Variants in JCAD observed in about 807,000 individuals in gnomAD.
The protein encoded by JCAD is junctional cadherin 5-associated protein.
A neutral mutation model predicts 98.0 loss-of-function variants in JCAD; 40 were observed. The ratio of observed to expected loss-of-function variants is 0.41; its 90% CI spans 0.32 to 0.53. The LOEUF is 0.53. JCAD is among the 20% of genes least tolerant of loss of function. The pLI, the probability that JCAD is intolerant of heterozygous loss-of-function variation, is 0.31. For missense variants in JCAD, 1,705 were observed against 1,738.1 expected (o/e 0.98, Z 0.34); for synonymous variants, 691 against 682.3 (o/e 1.01, Z -0.20).
rs1837660833 is a variant in JCAD, at chr10:30,059,557, C to G, written c.-135G>C. 1 of 151,192 alleles carries G rather than the reference C, an allele frequency of 6.6e-6. No individual in the cohort carries two copies. The allele number at this position is 151,192 out of a possible 1,614,324, so 9.4% of individuals were successfully genotyped here. A position where few individuals can be genotyped will look rare whatever the true frequency, so the allele number is the denominator to read the frequency against. ...GGCCGGGGACCAGCGCGACCCGCCC[C>G]GCCTGCAGCCGCCGAGGCCGAGCAT... On this transcript the variant is annotated 5_prime_UTR_variant, in exon 1 of 4. Coordinates refer to ENST00000375377, the MANE Select transcript of JCAD (RefSeq NM_020848.4). This position sits in a 1 kb window ranked among gnomAD's most constrained non-coding sequence, Gnocchi z 5.0.
intron 1 of JCAD, among the ~76,000 whole-genome samples, chr10:30,092,099 T>TAAAA (rs1491386901): frequency 1.1e-4 from 1 of 9,156 alleles, no homozygotes; most frequent in Non-Finnish European, 3.5e-4. Context: ...AAAGTTACTT[T>TAAAA]ATATATATAT....
intron 1 of JCAD, among the ~76,000 whole-genome samples, chr10:30,094,667 T>C (rs964942197): frequency 5.3e-5 from 8 of 152,148 alleles, no homozygotes; most frequent in South Asian, 4.1e-4. Context: ...ATGGCAGCCT[T>C]ATGGAAAGAA....
At chr10:30,023,319 T>C (rs532137475) in intron 3 of JCAD, among the ~76,000 whole-genome samples, 82 of 152,300 alleles carry the variant, frequency 5.4e-4, no homozygotes, top group African/African-American at 1.7e-3. Context: ...ACTACAGGCA[T>C]GAGCCACCAC....
chr10:30,034,049 C>G (rs868675846), intron 2 of JCAD, among the ~76,000 whole-genome samples: 1 of 151,802 alleles, frequency 6.6e-6, no homozygotes, highest in Non-Finnish European at 1.5e-5. Context: ...ACAGTGAAAC[C>G]CTGTCTCTAC....
chr10:30,047,806 T>C lies in JCAD; in HGVS notation c.7A>G (p.Ser3Gly). The C allele has an allele frequency of 1.2e-6, 2 of 1,602,088 alleles. No individual in the cohort carries two copies. The highest frequency in any genetic ancestry group is 1.7e-6 in the Non-Finnish European group (2 of 1,172,584). Reference protein sequence around the residue: MYSVEDLLISHGY... With the variant: MYGVEDLLISHGY... ...TGAGAGATCAGGAGGTCTTCTACAC[T>C]GTACATGATGCCTGGGCTTCAGCAA... Residue 3 changes from serine (S) to glycine (G), a missense_variant, in exon 2 of 4, where the codon AGT becomes GGT. This residue lies in a region of JCAD where 152 missense variants were observed against 148.0 expected (regional missense o/e 1.03). Coordinates refer to ENST00000375377, the MANE Select transcript of JCAD (RefSeq NM_020848.4).
intron 2 of JCAD, among the ~76,000 whole-genome samples, chr10:30,046,864 G>A (rs1005753112): frequency 1.3e-5 from 2 of 152,170 alleles, no homozygotes; most frequent in Non-Finnish European, 1.5e-5. Flanking sequence ...GGCTGAGGTG[G>A]GAGGACTGCA....
rs2132593504 is a variant in JCAD, at chr10:30,014,660, T to G, written c.*3223A>C. 6.6e-6 allele frequency: 1 copy of G among 152,332 alleles called. No homozygotes were observed. Among genetic ancestry groups the G allele is most frequent in the East Asian group, 1.9e-4 (1 of 5,186 alleles). 9.4% of individuals were successfully genotyped at this position (152,332 alleles called of 1,614,324 possible). A position where few individuals can be genotyped will look rare whatever the true frequency, so the allele number is the denominator to read the frequency against. The stretch of plus-strand genomic sequence containing the variant: ...TTTCAACAGATCAGCTTCATCCTTT[T>G]TCTTCAGAAGCCCCAAACCGAGATG... On this transcript the variant is annotated 3_prime_UTR_variant, in exon 4 of 4. Transcript: ENST00000375377.
At position 30,026,676 on chromosome 10, in the gene JCAD, G is replaced by C; in HGVS notation, c.3472C>G (p.Leu1158Val). 1 of 1,613,508 alleles carries C rather than the reference G, an allele frequency of 6.2e-7. No homozygotes were observed. The change falls in exon 3 of 4, where the codon CTC becomes GTC. Residue 1158 changes from leucine (L) to valine (V), a missense_variant. Physicochemically the swap from Leu to Val is conservative, Grantham distance 32. This residue lies in a region of JCAD where 1,278 missense variants were observed against 1,243.1 expected (regional missense o/e 1.03). Coordinates refer to ENST00000375377, the MANE Select transcript of JCAD (RefSeq NM_020848.4). Reference sequence around the variant, plus strand: ...GCACTGTCCCTGTCCCCTACAAAGAGAGGGCTCTTGGTCCAGCCGCACTTC... The same window carrying C: ...GCACTGTCCCTGTCCCCTACAAAGACAGGGCTCTTGGTCCAGCCGCACTTC... ...RRKCGWTKSP[L>V]FVGDRDSARR...
At position 30,033,867 on chromosome 10, in the gene JCAD, A is replaced by G. The variant is rs11812111; in HGVS notation, c.282-4001T>C. Among the ~76,000 whole-genome samples the G allele has an allele frequency of 7.7e-3, 1,179 of 152,310 alleles. 18 individuals are homozygous for G. The highest frequency in any genetic ancestry group is 0.026 in the African/African-American group (1,081 of 41,560). On this transcript the variant is annotated intron_variant, in intron 2 of 3. Transcript: ENST00000375377. The stretch of plus-strand genomic sequence containing the variant: ...AGCCCTGGTAAAAACTTCTATTTTT[A>G]TTGCTACTATTCTTATTTTGGAATT...
chr10:30,092,048 A>ATATATAT (rs1838278587), intron 1 of JCAD, among the ~76,000 whole-genome samples: 2 of 30,246 alleles, frequency 6.6e-5, no homozygotes, highest in African/African-American at 3.8e-4. Flanking sequence ...AAAAAAAAAA[A>ATATATAT]AAAAAAAAAA....
chr10:30,017,659 T>A lies in JCAD; in HGVS notation c.*224A>T. The A allele has an allele frequency of 1.7e-6, 1 of 602,728 alleles. No individual in the cohort carries two copies. The highest frequency in any genetic ancestry group is 2.1e-5 in the South Asian group (1 of 47,876). The allele number at this position is 602,728 out of a possible 1,614,324, so 37.3% of individuals were successfully genotyped here. A position where few individuals can be genotyped will look rare whatever the true frequency, so the allele number is the denominator to read the frequency against. On this transcript the variant is annotated 3_prime_UTR_variant, in exon 4 of 4. Coordinates refer to ENST00000375377, the MANE Select transcript of JCAD (RefSeq NM_020848.4). ...CCTAATTATAGGCATTAAATCTTCATGCTATAAAAACAGATGGTTTCAACG... is the reference window on the plus strand; with the variant it reads ...CCTAATTATAGGCATTAAATCTTCAAGCTATAAAAACAGATGGTTTCAACG...
chr10:30,039,889 G>T (rs947985946), intron 2 of JCAD, among the ~76,000 whole-genome samples: 2 of 152,220 alleles, frequency 1.3e-5, no homozygotes, highest in Non-Finnish European at 2.9e-5. Flanking sequence ...GACGGACTAC[G>T]CCTTCCTTTT....
At chr10:30,061,721 G>T (rs1216644211), upstream of JCAD, among the ~76,000 whole-genome samples, 4 of 150,504 alleles carry the variant, frequency 2.7e-5, no homozygotes, top group African/African-American at 7.5e-5. Context: ...GATAGAAAAG[G>T]AAATGCAGAC....
At chr10:30,042,245 C>T (rs904411358) in intron 2 of JCAD, among the ~76,000 whole-genome samples, 5 of 152,128 alleles carry the variant, frequency 3.3e-5, no homozygotes, top group Non-Finnish European at 2.9e-5. Flanking sequence ...CACAGGGAGT[C>T]CCTGTGGCCT....
intron 1 of JCAD, among the ~76,000 whole-genome samples, chr10:30,105,651 TCA>T (rs1359438172): frequency 3.3e-5 from 5 of 152,126 alleles, no homozygotes; most frequent in African/African-American, 1.2e-4. Flanking sequence ...GTCCAAATCC[TCA>T]GTTTTTGTTT....
At position 30,029,183 on chromosome 10, in the gene JCAD, T is replaced by C. The variant is rs1589682351; in HGVS notation, c.965A>G (p.Tyr322Cys). ...CAGGCAGAGCTCATGCCTGGGGACATAGGCGTCCATCTGCTGGCTGTCCTG... is the reference window on the plus strand; with the variant it reads ...CAGGCAGAGCTCATGCCTGGGGACACAGGCGTCCATCTGCTGGCTGTCCTG... Reference protein sequence around the residue: ...DSQDSQQMDAYVPRHELCLSD... With the variant: ...DSQDSQQMDACVPRHELCLSD... Residue 322 changes from tyrosine to cysteine, a missense_variant, in exon 3 of 4, where the codon TAT becomes TGT. Physicochemically the swap from Tyr to Cys is radical, Grantham distance 194. This residue lies in a region of JCAD where 275 missense variants were observed against 346.9 expected (regional missense o/e 0.79). Coordinates refer to ENST00000375377, the MANE Select transcript of JCAD (RefSeq NM_020848.4). The C allele has an allele frequency of 5.0e-6, 8 of 1,613,990 alleles. No individual in the cohort carries two copies. The highest frequency in any genetic ancestry group is 1.3e-5 in the African/African-American group (1 of 74,890).
At chr10:30,042,073 C>T (rs1449692849) in intron 2 of JCAD, among the ~76,000 whole-genome samples, 1 of 152,104 alleles carries the variant, frequency 6.6e-6, no homozygotes, top group East Asian at 1.9e-4. Flanking sequence ...CATGCAAAGC[C>T]CACAGCCAGT....
chr10:30,103,625 CACA>C (rs776638926), intron 1 of JCAD, among the ~76,000 whole-genome samples: 1 of 151,492 alleles, frequency 6.6e-6, no homozygotes, highest in Non-Finnish European at 1.5e-5. Flanking sequence ...CACACACACA[CACA>C]CACCCACACA....
chr10:30,091,115 G>A (rs913158225), intron 1 of JCAD, among the ~76,000 whole-genome samples: 9 of 152,222 alleles, frequency 5.9e-5, no homozygotes, highest in Non-Finnish European at 1.3e-4. Context: ...TTTATGAGAG[G>A]CTTTGCAATA....
Sources: gnomAD v4.1 joint callset for allele counts (sites outside exome capture counted in the v4.1 genomes callset) on GRCh38, gnomAD v4.1.1 for gene constraint, gnomAD v4.1.1 regional missense constraint, Gnocchi (gnomAD v3.1) non-coding constraint, MANE v1.5 for transcripts, NCBI Gene and HGNC (gene_info 2026-07-23, HGNC 2026-07-21) for gene names.